The following STK3 variants were observed in gnomAD, a reference collection of about 807,000 sequenced individuals.
The protein encoded by STK3 is serine/threonine-protein kinase 3.
A neutral mutation model predicts 58.0 loss-of-function variants in STK3; 41 were observed. That is an observed-to-expected ratio of 0.71 (90% CI 0.55 to 0.92). The LOEUF (loss-of-function observed/expected upper bound fraction) is 0.92, where lower values mean the gene tolerates loss of function less well. STK3 is among the 40% of genes least tolerant of loss of function. The pLI is 0.00. For missense variants in STK3, 479 were observed against 602.7 expected (o/e 0.79, Z 2.15); for synonymous variants, 170 against 191.0 (o/e 0.89, Z 0.91).
At chr8:98,391,002 A>G (rs999672641), upstream of STK3, among the ~76,000 whole-genome samples, 1 of 152,158 alleles carries the variant, frequency 6.6e-6, no homozygotes, top group Non-Finnish European at 1.5e-5. Context: ...ACTCTTTGTC[A>G]GATAATTCTA....
intron 3 of STK3, chr8:98,430,848 T>G (rs182453475): frequency 2.1e-4 from 35 of 167,204 alleles, no homozygotes; most frequent in Admixed American, 5.9e-4. Flanking sequence ...CAAAAGACCT[T>G]CAAGCTTCCA....
intron 1 of STK3, among the ~76,000 whole-genome samples, chr8:98,386,907 G>A (rs1418692905): frequency 2.6e-5 from 4 of 152,160 alleles, no homozygotes; most frequent in African/African-American, 9.7e-5. Flanking sequence ...ACTGTGAGCC[G>A]AGATTGTACC....
intron 7 of STK3, among the ~76,000 whole-genome samples, chr8:98,584,361 T>A (rs1254255343): frequency 6.6e-6 from 1 of 152,098 alleles, no homozygotes; most frequent in South Asian, 2.1e-4. Context: ...TGGTTTTTTG[T>A]TCTTGCGATA....
intron 3 of STK3, among the ~76,000 whole-genome samples, chr8:98,848,360 C>G (rs1255112983): frequency 6.6e-6 from 1 of 151,998 alleles, no homozygotes; most frequent in Non-Finnish European, 1.5e-5. Flanking sequence ...AGTGATTCTC[C>G]CACCTGAGCC....
intron 6 of STK3, among the ~76,000 whole-genome samples, chr8:98,647,570 G>C (rs1035279714): frequency 2.6e-5 from 4 of 152,100 alleles, no homozygotes; most frequent in African/African-American, 4.8e-5. Flanking sequence ...TTTTGAGACA[G>C]GGTCTCATTC....
At chr8:98,858,254 C>T (rs1836754048) in intron 3 of STK3, among the ~76,000 whole-genome samples, 1 of 136,764 alleles carries the variant, frequency 7.3e-6, no homozygotes, top group Admixed American at 7.8e-5. Context: ...TGGTGGCATG[C>T]ACCTATAGTC....
intron 6 of STK3, among the ~76,000 whole-genome samples, chr8:98,642,232 G>T (rs983985163): frequency 6.6e-6 from 1 of 152,172 alleles, no homozygotes; most frequent in Non-Finnish European, 1.5e-5. Flanking sequence ...GGGGAGCGGG[G>T]AGGGAGGAGT....
At chr8:98,389,688 C>T (rs1249436390), upstream of STK3, among the ~76,000 whole-genome samples, 2 of 151,058 alleles carry the variant, frequency 1.3e-5, no homozygotes, top group African/African-American at 4.9e-5. Flanking sequence ...TGTCACATAT[C>T]TCCCTGCTTA....
chr8:98,753,038 G>C (rs1830077701), intron 3 of STK3, among the ~76,000 whole-genome samples: 1 of 152,070 alleles, frequency 6.6e-6, no homozygotes, highest in African/African-American at 2.4e-5. Flanking sequence ...AACCATTGTG[G>C]AAGATAGTGT....
At chr8:98,556,043 A>G (rs1811561678) in intron 8 of STK3, among the ~76,000 whole-genome samples, 1 of 152,062 alleles carries the variant, frequency 6.6e-6, no homozygotes, top group African/African-American at 2.4e-5. Flanking sequence ...GCAAGAAACA[A>G]TTTACCCAGT....
At chr8:98,655,654 C>A (rs909328157) in intron 6 of STK3, among the ~76,000 whole-genome samples, 2 of 151,524 alleles carry the variant, frequency 1.3e-5, no homozygotes, top group Admixed American at 6.6e-5. Context: ...AAACAAACAA[C>A]CCCATCAAAA....
chr8:98,426,125 G>C (rs985505672), intron 3 of STK3, among the ~76,000 whole-genome samples: 1 of 152,084 alleles, frequency 6.6e-6, no homozygotes, highest in African/African-American at 2.4e-5. Flanking sequence ...CCCCACTCCA[G>C]CTTGAACCCC....
At chr8:98,481,031 C>T (rs767595608) in intron 10 of STK3, among the ~76,000 whole-genome samples, 14 of 152,104 alleles carry the variant, frequency 9.2e-5, no homozygotes, top group Admixed American at 3.3e-4. Context: ...AAAATACCTT[C>T]CCCTCTCTTT....
chr8:98,900,319 G>C (rs1838607364), intron 1 of STK3, among the ~76,000 whole-genome samples: 1 of 152,098 alleles, frequency 6.6e-6, no homozygotes, highest in Non-Finnish European at 1.5e-5. Context: ...GACCTCAAGT[G>C]ATCTGCCTGC....
chr8:98,569,570 C>T (rs766206426), intron 8 of STK3, among the ~76,000 whole-genome samples: 5 of 151,398 alleles, frequency 3.3e-5, no homozygotes, highest in Admixed American at 1.3e-4. Flanking sequence ...GGGAATATAG[C>T]ATTTGGGAAC....
At chr8:98,694,531 T>A (rs1824694428) in intron 6 of STK3, among the ~76,000 whole-genome samples, 2 of 152,096 alleles carry the variant, frequency 1.3e-5, no homozygotes, top group African/African-American at 4.8e-5. Context: ...CCCCAGAGTG[T>A]GATGTTCCCC....
At chr8:98,669,754 G>T (rs1446311156) in intron 6 of STK3, among the ~76,000 whole-genome samples, 1 of 152,154 alleles carries the variant, frequency 6.6e-6, no homozygotes, top group South Asian at 2.1e-4. Context: ...TACAACACTT[G>T]TGTCAAACAA....
intron 1 of STK3, among the ~76,000 whole-genome samples, 194 bp from the exon 2 acceptor site, chr8:98,775,013 A>G (rs995910177): frequency 3.3e-5 from 5 of 152,182 alleles, no homozygotes; most frequent in Non-Finnish European, 5.9e-5. Context: ...ACCTCCAAAA[A>G]TAATCACTTT....
chr8:98,918,006 T>C (rs913169251), intron 1 of STK3, among the ~76,000 whole-genome samples: 1 of 152,238 alleles, frequency 6.6e-6, no homozygotes, highest in Non-Finnish European at 1.5e-5. Flanking sequence ...GTGCTTTCTA[T>C]AGGGCAGACA....
Sources: allele counts gnomAD v4.1 joint callset (sites outside exome capture counted in the v4.1 genomes callset), GRCh38; gene constraint gnomAD v4.1.1; transcripts MANE v1.5; gene names NCBI Gene and HGNC (gene_info 2026-07-23, HGNC 2026-07-21).